The following SRRM4 variants were observed in gnomAD, a reference collection of about 807,000 sequenced individuals.
SRRM4 encodes serine/arginine repetitive matrix protein 4.
A neutral mutation model predicts 68.9 loss-of-function variants in SRRM4; 33 were observed. That is an observed-to-expected ratio of 0.48 (90% CI 0.36 to 0.64). SRRM4 has a LOEUF of 0.64. Among genes scored for constraint, SRRM4 ranks in the 30% least tolerant of loss-of-function variants. The pLI is 0.00. For synonymous variants in SRRM4, 318 were observed against 318.8 expected, an observed-to-expected ratio of 1.00 and a Z score of 0.03; for missense variants, 817 against 827.1, an observed-to-expected ratio of 0.99 and a Z score of 0.15.
intron 2 of SRRM4, among the ~76,000 whole-genome samples, chr12:119,107,916 A>G (rs964084256): frequency 5.3e-4 from 80 of 152,216 alleles, no homozygotes; most frequent in African/African-American, 1.8e-3. Context: ...TAGGGTGTCA[A>G]TTTTAGATCT....
At chr12:119,120,372 C>G (rs1250034962) in intron 5 of SRRM4, 96 bp downstream of exon 5, 2 of 1,313,582 alleles carry the variant, frequency 1.5e-6, no homozygotes, top group Admixed American at 4.6e-5. Context: ...CATCTGTGCT[C>G]TTAGGCATGA....
At chr12:118,983,373 G>A (rs1226289295) in intron 1 of SRRM4, among the ~76,000 whole-genome samples, 1 of 152,218 alleles carries the variant, frequency 6.6e-6, no homozygotes, top group Non-Finnish European at 1.5e-5. Flanking sequence ...AGACGGGAAG[G>A]AGGGGACACC....
At chr12:119,068,030 G>T (rs970927824) in intron 1 of SRRM4, among the ~76,000 whole-genome samples, 7 of 152,232 alleles carry the variant, frequency 4.6e-5, no homozygotes, top group Admixed American at 1.3e-4. Context: ...TTGACAGAAT[G>T]CAAGTCCACT....
At position 119,151,013 on chromosome 12, in the gene SRRM4, G is replaced by A. The variant is rs1317747354; in HGVS notation, c.1077-4G>A. The A allele has an allele frequency of 6.2e-7, 1 of 1,613,690 alleles. No individual in the cohort carries two copies. Among genetic ancestry groups the A allele is most frequent in the Non-Finnish European group, 8.5e-7 (1 of 1,179,760 alleles). ...GGTGCTCATGGACATTTTCCCACCT[G>A]CAGGGGATTTCAGTCACCGTGTCTG... On this transcript the variant is annotated splice_region_variant and splice_polypyrimidine_tract_variant and intron_variant, in intron 9 of 12. Coordinates refer to ENST00000267260, the MANE Select transcript of SRRM4 (RefSeq NM_194286.4).
Position 119,129,150 on chromosome 12 carries a change from G to A in SRRM4, c.615-1528G>A, listed in dbSNP as rs77215054. ...AGATCCCTAAACATCTCTGAGCTTC[G>A]GCTCCCTCATCTGTAAAATGGGAAA... is the stretch of plus-strand genomic sequence containing the variant. On this transcript the variant is annotated intron_variant, in intron 7 of 12. Transcript: ENST00000267260. 3.9e-3 allele frequency among the ~76,000 whole-genome samples: 591 copies of A among 152,254 alleles called. 4 individuals are homozygous for A. The highest frequency in any genetic ancestry group is 0.013 in the African/African-American group (547 of 41,556).
At position 119,151,114 on chromosome 12, in the gene SRRM4, A is replaced by G; in HGVS notation, c.1174A>G (p.Ser392Gly). The G allele has an allele frequency of 1.2e-6, 2 of 1,613,972 alleles. No individual in the cohort carries two copies. The highest frequency in any genetic ancestry group is 1.7e-6 in the Non-Finnish European group (2 of 1,179,890). Residue 392 changes from serine (S) to glycine (G), a missense_variant, in exon 10 of 13, where the codon AGC becomes GGC. Transcript: ENST00000267260. ...CTCACCCATGAAAGGGTGTTCCCGC[A>G]GCTCCTCCTATGCCAGCACCCGATC... ...RSSPMKGCSR[S>G]SSYASTRSSS...
chr12:119,151,615 T>C (rs1484626805), intron 10 of SRRM4, among the ~76,000 whole-genome samples: 1 of 152,164 alleles, frequency 6.6e-6, no homozygotes, highest in Non-Finnish European at 1.5e-5. Context: ...TTCCTGATCC[T>C]GTGGATCAGC....
chr12:118,995,413 GA>G (rs1953342982), intron 1 of SRRM4, among the ~76,000 whole-genome samples: 1 of 152,176 alleles, frequency 6.6e-6, no homozygotes, highest in Admixed American at 6.5e-5. Flanking sequence ...GCACCATATG[GA>G]AACTAGGAAG....
chr12:119,037,603 T>C (rs567490778), intron 1 of SRRM4, among the ~76,000 whole-genome samples: 2 of 152,354 alleles, frequency 1.3e-5, no homozygotes, highest in African/African-American at 2.4e-5. Context: ...GGCTGATTTA[T>C]TTATATGTGT....
rs746731508 is a variant in SRRM4, at chr12:119,145,567, C to T, written c.958C>T (p.Arg320Trp). The T allele has an allele frequency of 3.7e-6, 6 of 1,603,838 alleles. No homozygotes were observed. The highest frequency in any genetic ancestry group is 4.3e-6 in the Non-Finnish European group (5 of 1,174,796). ...CCCCAGTGGGGGCTTGAGCAAGAGC[C>T]GGGAGCTCAACAGTGGCAACACCTC... ...GSPSGGLSKS[R>W]ELNSGNTSDS... The change falls in exon 9 of 13, where the codon CGG becomes TGG. Residue 320 changes from arginine to tryptophan, a missense_variant. Coordinates refer to ENST00000267260, the MANE Select transcript of SRRM4 (RefSeq NM_194286.4).
chr12:118,991,619 T>C (rs1229856656), intron 1 of SRRM4: 2 of 152,254 alleles, frequency 1.3e-5, no homozygotes, highest in African/African-American at 2.4e-5. Flanking sequence ...GTAGAATGCA[T>C]GAACTGTAGC....
At chr12:119,097,887 A>T (rs1173530434) in intron 1 of SRRM4, among the ~76,000 whole-genome samples, 1 of 152,136 alleles carries the variant, frequency 6.6e-6, no homozygotes, top group African/African-American at 2.4e-5. Flanking sequence ...CACACTCACC[A>T]TGTGTTTATT....
chr12:118,985,023 G>A (rs1466527905), intron 1 of SRRM4, among the ~76,000 whole-genome samples: 1 of 152,192 alleles, frequency 6.6e-6, no homozygotes, highest in Admixed American at 6.5e-5. Flanking sequence ...GTGGTGCATG[G>A]TGTTGTTTAG....
At chr12:119,150,932 C>A in intron 9 of SRRM4, 85 bp from the exon 10 acceptor site, 2 of 1,319,976 alleles carry the variant, frequency 1.5e-6, no homozygotes, top group Non-Finnish European at 2.1e-6. Context: ...AGCACCACAG[C>A]CTAGGCCAAG....
intron 2 of SRRM4, among the ~76,000 whole-genome samples, chr12:119,105,516 C>T (rs1402095742): frequency 6.6e-6 from 1 of 152,180 alleles, no homozygotes; most frequent in Non-Finnish European, 1.5e-5. Flanking sequence ...GCCATTCTAA[C>T]TGGTGTGAGA....
intron 1 of SRRM4, among the ~76,000 whole-genome samples, chr12:119,010,405 G>A (rs7133583): frequency 0.022 from 3,396 of 152,290 alleles, 50 homozygotes; most frequent in South Asian, 0.042. Context: ...ATATTAAGTG[G>A]TTGAAGATGA....
At chr12:119,146,075 C>T (rs1425800529) in intron 9 of SRRM4, among the ~76,000 whole-genome samples, 2 of 152,136 alleles carry the variant, frequency 1.3e-5, no homozygotes, top group African/African-American at 4.8e-5. Context: ...AAGGCAGGTG[C>T]TTATTGGTTC....
At chr12:119,044,745 G>T (rs2136013759) in intron 1 of SRRM4, among the ~76,000 whole-genome samples, 1 of 152,190 alleles carries the variant, frequency 6.6e-6, no homozygotes, top group Admixed American at 6.5e-5. Flanking sequence ...AAAAAGCCTG[G>T]CACATACAAA....
rs545627209 is a variant in SRRM4, at chr12:119,045,894, C to A, written c.132-56342C>A. On this transcript the variant is annotated intron_variant, in intron 1 of 12. Coordinates refer to ENST00000267260, the MANE Select transcript of SRRM4 (RefSeq NM_194286.4). ...CTGTACTAAAATACAAAAAATTAGCCAGGCGTGGTGGTGTGCACCTGTAGT... is the reference window on the plus strand; with the variant it reads ...CTGTACTAAAATACAAAAAATTAGCAAGGCGTGGTGGTGTGCACCTGTAGT... Among the ~76,000 whole-genome samples the A allele has an allele frequency of 8.6e-5, 13 of 151,990 alleles. No homozygotes were observed. In the South Asian group the frequency reaches 2.5e-3, roughly 29 times the overall value.
Sources: allele counts gnomAD v4.1 joint callset (sites outside exome capture counted in the v4.1 genomes callset), GRCh38; gene constraint gnomAD v4.1.1; transcripts MANE v1.5; gene names NCBI Gene and HGNC (gene_info 2026-07-23, HGNC 2026-07-21).